TTI1: variants seen among roughly 807,000 people sequenced by gnomAD.
TTI1 encodes the protein TELO2 interacting protein 1.
TTI1 carries 52 observed loss-of-function variants against 85.4 expected under a neutral mutation model. That is an observed-to-expected ratio of 0.61 (90% confidence interval 0.49 to 0.77). TTI1 has a LOEUF of 0.77. TTI1 is among the 30% of genes least tolerant of loss of function. The pLI is 0.00. For synonymous variants in TTI1, 512 were observed against 503.9 expected, an observed-to-expected ratio of 1.02 and a Z score of -0.22; for missense variants, 1,173 against 1,296.0, an observed-to-expected ratio of 0.91 and a Z score of 1.46.
intron 2 of TTI1, among the ~76,000 whole-genome samples, chr20:38,010,666 C>T (rs571037646): frequency 1.7e-4 from 26 of 151,524 alleles, no homozygotes; most frequent in African/African-American, 5.1e-4. Context: ...TTAGTAGAGA[C>T]GGGGTTTCAC....
chr20:38,000,882 T>C (rs2073415917), intron 4 of TTI1, among the ~76,000 whole-genome samples: 1 of 152,190 alleles, frequency 6.6e-6, no homozygotes, highest in South Asian at 2.1e-4. Context: ...TTCTCAGCCT[T>C]GAGAAATGTT....
intron 1 of TTI1, among the ~76,000 whole-genome samples, chr20:38,023,024 C>T (rs1419210778): frequency 6.6e-6 from 1 of 152,040 alleles, no homozygotes; most frequent in Admixed American, 6.5e-5. Flanking sequence ...GTTTAGAGCC[C>T]AGAGATAGGA....
At chr20:38,015,248 C>G (rs2073665339) in intron 1 of TTI1, among the ~76,000 whole-genome samples, 1 of 152,154 alleles carries the variant, frequency 6.6e-6, no homozygotes, top group African/African-American at 2.4e-5. Flanking sequence ...GTCTGGTCTA[C>G]TGACCTCCCT....
intron 7 of TTI1, among the ~76,000 whole-genome samples, chr20:37,991,087 G>A (rs1289353548): frequency 2.0e-5 from 3 of 152,216 alleles, no homozygotes; most frequent in African/African-American, 7.2e-5. Context: ...CTCCAGATCT[G>A]AGTGTATTTT....
intron 7 of TTI1, among the ~76,000 whole-genome samples, chr20:37,994,412 C>T (rs374942655): frequency 2.6e-5 from 4 of 152,170 alleles, no homozygotes; most frequent in East Asian, 1.9e-4. Context: ...GGATAACAGG[C>T]GTAAGCCACC....
chr20:37,993,510 A>G (rs1356722076), intron 7 of TTI1, among the ~76,000 whole-genome samples: 1 of 152,238 alleles, frequency 6.6e-6, no homozygotes, highest in Admixed American at 6.5e-5. Context: ...ATGAACTCTC[A>G]TGGGGCTGCT....
rs765148336 is a variant in TTI1, at chr20:38,011,501, G to T, written c.2302+14C>A. ...TCCCCCACACATCAGCATTAAAAAG[G>T]GCTCTCAATGTACCTAATGCTGCCA... On this transcript the variant is annotated intron_variant, in intron 2 of 7. Transcript: ENST00000373447. 3 of 1,610,322 alleles carry T rather than the reference G, an allele frequency of 1.9e-6. No individual in the cohort carries two copies. The South Asian group carries it at 3.3e-5, about 18-fold the overall frequency.
Position 38,012,848 on chromosome 20 carries a change from T to C in TTI1, c.969A>G (p.Gln323=), listed in dbSNP as rs193227299. The change falls in exon 2 of 8, where the codon CAA becomes CAG. Residue 323 remains glutamine (Q), a synonymous_variant. Coordinates refer to ENST00000373447, the MANE Select transcript of TTI1 (RefSeq NM_001303457.2). The part of the protein sequence containing the change: ...LVEDLLLKCS[Q]SLVECAGPLL... ...GGGGACCAGCACATTCGACCAATGA[T>C]TGACTGCACTTCAAAAGAAGGTCCT... The C allele has an allele frequency of 3.7e-6, 6 of 1,614,212 alleles. No individual in the cohort carries two copies. Among genetic ancestry groups the C allele is most frequent in the Admixed American group, 1.7e-5 (1 of 60,030 alleles).
intron 1 of TTI1, among the ~76,000 whole-genome samples, chr20:38,022,055 C>T (rs1023855361): frequency 2.0e-5 from 3 of 152,192 alleles, no homozygotes; most frequent in Non-Finnish European, 2.9e-5. Flanking sequence ...GAGAAGGCTG[C>T]TCAAGGTGCA....
chr20:38,011,576 T>G lies in TTI1; in HGVS notation c.2241A>C (p.Gln747His). Residue 747 changes from glutamine (Q) to histidine (H), a missense_variant, in exon 2 of 8, where the codon CAA (glutamine) becomes CAC (histidine). Physicochemically the swap from Gln to His is conservative, Grantham distance 24. Coordinates refer to ENST00000373447, the MANE Select transcript of TTI1 (RefSeq NM_001303457.2). ...AGGAAGCAGCTCTCTTATCGTAAAA[T>G]TGGTCCAGGGTGGCCAAGACATCTT... The part of the protein sequence containing the change: ...VVQDVLATLD[Q>H]FYDKRAASFV... 3 of 1,614,144 alleles carry G rather than the reference T, an allele frequency of 1.9e-6. No homozygotes were observed. The highest frequency in any genetic ancestry group is 8.5e-7 in the Non-Finnish European group (1 of 1,180,020).
intron 1 of TTI1, 86 bp from the exon 2 acceptor site, chr20:38,013,943 A>C (rs1600641487): frequency 7.1e-7 from 1 of 1,405,932 alleles, no homozygotes. Flanking sequence ...ACAGACATTT[A>C]CCTGGGGTCT....
chr20:38,004,894 C>T (rs2073474137), intron 3 of TTI1, among the ~76,000 whole-genome samples: 2 of 152,262 alleles, frequency 1.3e-5, no homozygotes, highest in African/African-American at 4.8e-5. Flanking sequence ...GTGAAGGGTG[C>T]AGTTCACAAA....
At chr20:38,029,150 G>A (rs1037344293) in intron 1 of TTI1, among the ~76,000 whole-genome samples, 29 of 151,936 alleles carry the variant, frequency 1.9e-4, no homozygotes, top group Non-Finnish European at 2.5e-4. Context: ...CACTAACACA[G>A]AGATAACAGG....
At chr20:37,994,782 T>TGC (rs1217232267) in intron 7 of TTI1, among the ~76,000 whole-genome samples, 3 of 152,250 alleles carry the variant, frequency 2.0e-5, no homozygotes, top group Admixed American at 2.0e-4. Context: ...TGGGGCTGCG[T>TGC]GTTCCTCCAC....
chr20:37,985,386 C>T (rs1338254437), intron 7 of TTI1, among the ~76,000 whole-genome samples: 2 of 152,244 alleles, frequency 1.3e-5, no homozygotes, highest in East Asian at 3.9e-4. Flanking sequence ...ATTTTAATTT[C>T]ACTAATATGA....
chr20:38,020,323 A>AAATATATATATATAT lies in TTI1; in HGVS notation c.-41-6467_-41-6466insATATATATATATATT. On this transcript the variant is annotated intron_variant, in intron 1 of 7. Coordinates refer to ENST00000373447, the MANE Select transcript of TTI1 (RefSeq NM_001303457.2). ...GGCTACTCATATGAAAAAAAAAAAA[A>AAATATATATATATAT]ATATATATATATATATATATATATA... 5.5e-3 allele frequency among the ~76,000 whole-genome samples: 276 copies of AAATATATATATATAT among 50,248 alleles called. 2 individuals are homozygous for AAATATATATATATAT. Among genetic ancestry groups the AAATATATATATATAT allele is most frequent in the Non-Finnish European group, 8.3e-3 (229 of 27,652 alleles). 33.0% of individuals were successfully genotyped at this position (50,248 alleles called of 152,430 possible). A position where few individuals can be genotyped will look rare whatever the true frequency, so the allele number is the denominator to read the frequency against.
Position 38,020,323 on chromosome 20 carries a change from A to AAAAAAAAAT in TTI1, c.-41-6467_-41-6466insATTTTTTTT. Reference sequence around the variant, plus strand: ...GGCTACTCATATGAAAAAAAAAAAAAATATATATATATATATATATATATA... The same window carrying AAAAAAAAAT: ...GGCTACTCATATGAAAAAAAAAAAAAAAAAAAAATATATATATATATATATATATATATA... On this transcript the variant is annotated intron_variant, in intron 1 of 7. Coordinates refer to ENST00000373447, the MANE Select transcript of TTI1 (RefSeq NM_001303457.2). Among the ~76,000 whole-genome samples, 61 of 50,384 alleles carry AAAAAAAAAT rather than the reference A, an allele frequency of 1.2e-3. 1 individual carries two copies. Among genetic ancestry groups the AAAAAAAAAT allele is most frequent in the East Asian group, 2.3e-3 (4 of 1,746 alleles). The allele number at this position is 50,384 out of a possible 152,430, so 33.1% of individuals were successfully genotyped here.
At chr20:38,024,684 C>A (rs78883840) in intron 1 of TTI1, among the ~76,000 whole-genome samples, 3,710 of 152,282 alleles carry the variant, frequency 0.024, 158 homozygotes, top group African/African-American at 0.084. Context: ...CCTCCACCCA[C>A]GGTGGCAAAG....
chr20:38,009,897 G>T (rs919069029), intron 2 of TTI1, among the ~76,000 whole-genome samples: 2 of 152,152 alleles, frequency 1.3e-5, no homozygotes, highest in African/African-American at 4.8e-5. Context: ...TCCTCAGAGA[G>T]GCCCTCCCTG....
Sources: gnomAD v4.1 joint callset for allele counts (sites outside exome capture counted in the v4.1 genomes callset) on GRCh38, gnomAD v4.1.1 for gene constraint, MANE v1.5 for transcripts, NCBI Gene and HGNC (gene_info 2026-07-23, HGNC 2026-07-21) for gene names.